The following MGAT4C variants were observed in gnomAD, a reference collection of about 807,000 sequenced individuals.
The protein encoded by MGAT4C is MGAT4 family member C.
MGAT4C carries 19 observed loss-of-function variants against 40.1 expected under a neutral mutation model. The ratio of observed to expected loss-of-function variants is 0.47; its 90% CI spans 0.33 to 0.70. MGAT4C has a LOEUF of 0.70. Ranked by LOEUF, MGAT4C falls within the 30% of genes least tolerant of loss-of-function variation. The probability of loss-of-function intolerance (pLI) is 0.02; values close to 1 mark genes in which losing one functional copy is unlikely to be tolerated. For missense variants in MGAT4C, 491 were observed against 563.2 expected (o/e 0.87, Z 1.30); for synonymous variants, 181 against 187.1 (o/e 0.97, Z 0.27).
intron 3 of MGAT4C, among the ~76,000 whole-genome samples, chr12:86,348,534 A>C (rs1157901732): frequency 6.6e-6 from 1 of 152,148 alleles, no homozygotes; most frequent in Non-Finnish European, 1.5e-5. Flanking sequence ...TTTCAAAATA[A>C]ATTGCATACA....
intron 3 of MGAT4C, among the ~76,000 whole-genome samples, chr12:86,434,904 C>T (rs766563630): frequency 2.0e-5 from 3 of 151,878 alleles, no homozygotes; most frequent in Non-Finnish European, 4.4e-5. Context: ...CTTCACATTT[C>T]ACTCAACAGA....
Position 86,490,396 on chromosome 12 carries a change from A to C in MGAT4C, c.-228-55131T>G, listed in dbSNP as rs576072765. 3.3e-3 allele frequency among the ~76,000 whole-genome samples: 495 copies of C among 152,234 alleles called. 2 individuals carry two copies. Among genetic ancestry groups the C allele is most frequent in the African/African-American group, 0.012 (478 of 41,550 alleles). On this transcript the variant is annotated intron_variant, in intron 2 of 7. Coordinates refer to the MGAT4C transcript ENST00000548651. ...GCTGAGAGATTTTGCCACCACCAGG[A>C]CTGCCCTAAAAGAGCTCCTGAAGGA... is the stretch of plus-strand genomic sequence containing the variant.
At chr12:86,092,245 A>G (rs1873015551) in intron 1 of MGAT4C, among the ~76,000 whole-genome samples, 1 of 152,160 alleles carries the variant, frequency 6.6e-6, no homozygotes, top group South Asian at 2.1e-4. Context: ...AGAAGCAATC[A>G]TGGCCTTATA....
intron 2 of MGAT4C, among the ~76,000 whole-genome samples, chr12:86,049,301 C>T (rs10746358): frequency 0.8 from 121,213 of 151,898 alleles, 48,964 homozygotes; most frequent in East Asian, 0.97. Flanking sequence ...TCTGTGTGTG[C>T]GCCTGTGTGT....
At chr12:86,127,914 T>C (rs960591424) in intron 1 of MGAT4C, among the ~76,000 whole-genome samples, 1 of 152,200 alleles carries the variant, frequency 6.6e-6, no homozygotes, top group Non-Finnish European at 1.5e-5. Context: ...TTCCAGAGAC[T>C]GTTTCACAGT....
rs1884170366 is a variant in MGAT4C, at chr12:85,978,449, T to C, written c.*840A>G. ...GGATTTTAATACAAAATGTATAAAATCAATTTCCAAAAATTTTCTGCATAT... is the reference window on the plus strand; with the variant it reads ...GGATTTTAATACAAAATGTATAAAACCAATTTCCAAAAATTTTCTGCATAT... On this transcript the variant is annotated 3_prime_UTR_variant, in exon 5 of 5. Coordinates refer to ENST00000611864, the MANE Select transcript of MGAT4C (RefSeq NM_001351288.2). 6.6e-6 allele frequency: 1 copy of C among 152,090 alleles called. No homozygotes were observed. Among genetic ancestry groups the C allele is most frequent in the South Asian group, 2.1e-4 (1 of 4,824 alleles). The allele number at this position is 152,090 out of a possible 1,614,324, so 9.4% of individuals were successfully genotyped here.
chr12:86,295,879 A>G (rs1466618235), intron 4 of MGAT4C, among the ~76,000 whole-genome samples: 1 of 140,396 alleles, frequency 7.1e-6, no homozygotes, highest in Non-Finnish European at 1.6e-5. Flanking sequence ...GCATTCACAA[A>G]CCTTGAGCTA....
intron 2 of MGAT4C, among the ~76,000 whole-genome samples, chr12:86,704,885 A>C (rs1238798714): frequency 1.3e-5 from 2 of 152,096 alleles, no homozygotes; most frequent in African/African-American, 2.4e-5. Context: ...AATATTTTTC[A>C]TATCTTGTTC....
chr12:86,211,951 G>A (rs1230674328), intron 1 of MGAT4C, among the ~76,000 whole-genome samples: 1 of 152,074 alleles, frequency 6.6e-6, no homozygotes, highest in African/African-American at 2.4e-5. Context: ...GGAGCTGCTG[G>A]ACAGCTTAGG....
At chr12:86,007,779 TC>T (rs1293860656) in intron 2 of MGAT4C, among the ~76,000 whole-genome samples, 1 of 152,104 alleles carries the variant, frequency 6.6e-6, no homozygotes, top group Non-Finnish European at 1.5e-5. Flanking sequence ...TTTTGTGTAT[TC>T]TAACAAACCA....
intron 2 of MGAT4C, among the ~76,000 whole-genome samples, chr12:86,041,509 G>T (rs1891840440): frequency 6.6e-6 from 1 of 152,060 alleles, no homozygotes. Context: ...AGAGATTCTG[G>T]TATGTTGTAT....
intron 1 of MGAT4C, among the ~76,000 whole-genome samples, chr12:86,158,084 C>T (rs1419979036): frequency 6.6e-6 from 1 of 152,148 alleles, no homozygotes; most frequent in African/African-American, 2.4e-5. Flanking sequence ...GAAAACGATA[C>T]ATTTAGCTAG....
chr12:86,448,721 T>C (rs1278163002), intron 2 of MGAT4C, among the ~76,000 whole-genome samples: 2 of 152,208 alleles, frequency 1.3e-5, no homozygotes, highest in African/African-American at 4.8e-5. Flanking sequence ...AAAGTAGACT[T>C]TGAAATTGGC....
At chr12:86,323,174 A>G (rs1264200778) in intron 4 of MGAT4C, among the ~76,000 whole-genome samples, 1 of 151,310 alleles carries the variant, frequency 6.6e-6, no homozygotes, top group East Asian at 1.9e-4. Context: ...GTTTAGTGAT[A>G]TACTCCTGCT....
chr12:86,793,188 A>G (rs913820152), intron 1 of MGAT4C, among the ~76,000 whole-genome samples: 3 of 152,128 alleles, frequency 2.0e-5, no homozygotes, highest in African/African-American at 7.2e-5. Context: ...TTTTAAGATA[A>G]TTATGCAGGG....
At chr12:86,614,487 G>A (rs953854958) in intron 2 of MGAT4C, among the ~76,000 whole-genome samples, 1 of 151,930 alleles carries the variant, frequency 6.6e-6, no homozygotes, top group Non-Finnish European at 1.5e-5. Flanking sequence ...ATAATTCTTA[G>A]TTATATATCA....
chr12:86,163,025 T>G (rs1037349397), intron 1 of MGAT4C, among the ~76,000 whole-genome samples: 1 of 152,178 alleles, frequency 6.6e-6, no homozygotes, highest in African/African-American at 2.4e-5. Context: ...AAGTCTGGGA[T>G]GGGCCCTAGA....
In MGAT4C at chr12:86,758,555, A is replaced by G. The variant is rs183693949; in HGVS notation, c.-261-31314T>C. ...TTTATAGATAAGAAAACTAAGGCAC[A>G]AAACACTTAGTAAATTTCTTATATT... is the stretch of plus-strand genomic sequence containing the variant. On this transcript the variant is annotated intron_variant, in intron 1 of 7. Transcript: ENST00000548651. Among the ~76,000 whole-genome samples, 160 of 152,156 alleles carry G rather than the reference A, an allele frequency of 1.1e-3. 1 individual carries two copies. Among genetic ancestry groups the G allele is most frequent in the African/African-American group, 3.7e-3 (154 of 41,530 alleles).
rs562391460 is a variant in MGAT4C at position 86,308,795 on chromosome 12, T to A, written c.-57+25270A>T. Among the ~76,000 whole-genome samples, 3 of 150,614 alleles carry A rather than the reference T, an allele frequency of 2.0e-5. No homozygotes were observed. In the East Asian group the frequency reaches 5.9e-4, roughly 29 times the overall value. On this transcript the variant is annotated intron_variant, in intron 4 of 7. Coordinates refer to the MGAT4C transcript ENST00000548651. ...TATGGTTGAGACACTGTGTTAAGTA[T>A]TTTATATACATTATTTCACTTGATG...
Sources: allele counts gnomAD v4.1 joint callset (sites outside exome capture counted in the v4.1 genomes callset), GRCh38; gene constraint gnomAD v4.1.1; transcripts MANE v1.5; gene names NCBI Gene and HGNC (gene_info 2026-07-23, HGNC 2026-07-21).